CSPP1: variants seen among roughly 807,000 people sequenced by gnomAD.
The protein encoded by CSPP1 is centrosome and spindle pole-associated protein 1.
A neutral mutation model predicts 164.4 loss-of-function variants in CSPP1; 126 were observed. That is an observed-to-expected ratio of 0.77 (90% CI 0.66 to 0.89). The LOEUF (loss-of-function observed/expected upper bound fraction) is 0.89, where lower values mean the gene tolerates loss of function less well. Ranked by LOEUF, CSPP1 falls within the 40% of genes least tolerant of loss-of-function variation. CSPP1 has a pLI of 0.00. For synonymous variants in CSPP1, 472 were observed against 476.7 expected (o/e 0.99, Z 0.13); for missense variants, 1,395 against 1,449.8 (o/e 0.96, Z 0.61).
At chr8:67,144,667 G>A (rs761198430) in intron 17 of CSPP1, among the ~76,000 whole-genome samples, 63 of 152,114 alleles carry the variant, frequency 4.1e-4, no homozygotes, top group Middle Eastern at 6.8e-3. Context: ...GGCTGGTCTC[G>A]AACTCCTGAG....
intron 21 of CSPP1, among the ~76,000 whole-genome samples, chr8:67,161,568 C>T (rs891162496): frequency 5.3e-5 from 8 of 151,552 alleles, no homozygotes; most frequent in African/African-American, 1.7e-4. Context: ...TTTTTAAATC[C>T]TAATCTGACA....
intron 15 of CSPP1, among the ~76,000 whole-genome samples, chr8:67,124,243 AT>A (rs916118996): frequency 6.6e-6 from 1 of 151,928 alleles, no homozygotes; most frequent in Non-Finnish European, 1.5e-5. Context: ...TTCAATTTTG[AT>A]TTTTTTGTTG....
At chr8:67,086,351 TTAAG>T (rs1392603300) in intron 4 of CSPP1, 1 of 517,766 alleles carries the variant, frequency 1.9e-6, no homozygotes, top group African/African-American at 1.9e-5. Context: ...GATTCTAATT[TTAAG>T]TGAGATCGTT....
chr8:67,095,895 C>A (rs1812656219), intron 7 of CSPP1, among the ~76,000 whole-genome samples, 163 bp downstream of exon 7: 1 of 152,044 alleles, frequency 6.6e-6, no homozygotes, highest in Non-Finnish European at 1.5e-5. Context: ...TATTTTATGT[C>A]CCACTGAGGG....
intron 3 of CSPP1, among the ~76,000 whole-genome samples, chr8:67,079,472 C>T (rs1370735662): frequency 2.0e-5 from 3 of 152,190 alleles, no homozygotes; most frequent in Non-Finnish European, 4.4e-5. Context: ...AGTAAGGTCA[C>T]TCTGCTGTAA....
intron 6 of CSPP1, among the ~76,000 whole-genome samples, chr8:67,094,271 CTTTT>C (rs762941914): frequency 4.4e-4 from 54 of 121,478 alleles, no homozygotes; most frequent in African/African-American, 1.7e-3. Flanking sequence ...TTTATCCTCT[CTTTT>C]TTTTTTTTTT....
chr8:67,190,624 CCTT>C (rs745422652), intron 28 of CSPP1, 23 bp from the exon 29 acceptor site: 132 of 1,527,744 alleles, frequency 8.6e-5, no homozygotes, highest in African/African-American at 2.1e-4. Flanking sequence ...TATTAAGACT[CCTT>C]CTGCTTTTCG....
Position 67,179,843 on chromosome 8 carries a change from T to C in CSPP1, c.3157-20T>C, listed in dbSNP as rs1194606720. The C allele has an allele frequency of 1.9e-6, 3 of 1,550,718 alleles. No homozygotes were observed. The highest frequency in any genetic ancestry group is 1.1e-5 in the South Asian group (1 of 87,370). ...TACACAAAACTAATAAAAATAGTCA[T>C]TGAAACATGTTTCTTTTAGCCCAGA... On this transcript the variant is annotated intron_variant, in intron 27 of 30. Coordinates refer to ENST00000678616, the MANE Select transcript of CSPP1 (RefSeq NM_001382391.1).
At chr8:67,171,989 AG>A in intron 24 of CSPP1, among the ~76,000 whole-genome samples, 1 of 151,830 alleles carries the variant, frequency 6.6e-6, no homozygotes, top group Non-Finnish European at 1.5e-5. Flanking sequence ...CTGGGACTAC[AG>A]GTGTGCGCCA....
intron 27 of CSPP1, among the ~76,000 whole-genome samples, chr8:67,178,483 C>G (rs890361337): frequency 6.6e-6 from 1 of 152,140 alleles, no homozygotes; most frequent in Non-Finnish European, 1.5e-5. Context: ...AGGTTACATT[C>G]CAGAAGGAGG....
At chr8:67,172,350 G>A (rs1422937929) in intron 24 of CSPP1, 66 bp from the exon 25 acceptor site, 5 of 1,308,462 alleles carry the variant, frequency 3.8e-6, no homozygotes, top group Non-Finnish European at 5.4e-6. Flanking sequence ...CTTTTACAGT[G>A]AATTAGATGT....
At chr8:67,194,770 A>G (rs550347401) in intron 30 of CSPP1, among the ~76,000 whole-genome samples, 44 of 152,268 alleles carry the variant, frequency 2.9e-4, no homozygotes, top group African/African-American at 1.0e-3. Flanking sequence ...TAAAAGTAAA[A>G]TACAGATAGA....
At chr8:67,071,750 C>G (rs1357670939) in intron 1 of CSPP1, among the ~76,000 whole-genome samples, 1 of 152,098 alleles carries the variant, frequency 6.6e-6, no homozygotes, top group Admixed American at 6.6e-5. Context: ...TAGATGCTAA[C>G]TTTAATGGGA....
chr8:67,124,947 A>G (rs2129552774), intron 15 of CSPP1, among the ~76,000 whole-genome samples: 2 of 152,300 alleles, frequency 1.3e-5, no homozygotes, highest in Middle Eastern at 3.4e-3. Context: ...TGCTGGGATT[A>G]TAGATGTGAG....
In CSPP1 at chr8:67,177,883, G is replaced by A. The variant is rs886735752; in HGVS notation, c.3156+157G>A. ...AGTGGATAGCTTGAGAAGTGTTAGT[G>A]TAATATATATAGAAAACATATTGTA... On this transcript the variant is annotated intron_variant, in intron 27 of 30. Coordinates refer to ENST00000678616, the MANE Select transcript of CSPP1 (RefSeq NM_001382391.1). 7.9e-5 allele frequency among the ~76,000 whole-genome samples: 12 copies of A among 152,152 alleles called. No individual in the cohort carries two copies. The East Asian group carries it at 2.3e-3, about 29-fold the overall frequency.
intron 15 of CSPP1, among the ~76,000 whole-genome samples, chr8:67,123,785 G>A (rs1435594871): frequency 1.3e-5 from 2 of 151,234 alleles, no homozygotes; most frequent in Non-Finnish European, 3.0e-5. Flanking sequence ...CTAAATATTT[G>A]TATTTTTTGT....
intron 9 of CSPP1, among the ~76,000 whole-genome samples, chr8:67,111,206 CAAT>C (rs1052336632): frequency 6.6e-6 from 1 of 152,064 alleles, no homozygotes; most frequent in East Asian, 1.9e-4. Flanking sequence ...TTAACATATG[CAAT>C]AATAATAATC....
intron 10 of CSPP1, among the ~76,000 whole-genome samples, chr8:67,113,367 A>G (rs1463431473): frequency 1.3e-5 from 2 of 152,132 alleles, no homozygotes; most frequent in Admixed American, 6.5e-5. Context: ...GCCAATATCT[A>G]CTGTTTGATG....
chr8:67,190,681 AGAT>A lies in CSPP1; in HGVS notation c.3255_3257del (p.Asp1086del). 6.2e-7 allele frequency: 1 copy of A among 1,614,136 alleles called. No individual in the cohort carries two copies. The highest frequency in any genetic ancestry group is 1.1e-5 in the South Asian group (1 of 91,074). On this transcript the variant is annotated inframe_deletion, in exon 29 of 31. Transcript: ENST00000678616. ...ACGGTGAGACATATCCTGCCATTGA[AGAT>A]GACGTCCTCCCTCCACCATCACAGT...
Sources: gnomAD v4.1 joint callset for allele counts (sites outside exome capture counted in the v4.1 genomes callset) on GRCh38, gnomAD v4.1.1 for gene constraint, MANE v1.5 for transcripts, NCBI Gene and HGNC (gene_info 2026-07-23, HGNC 2026-07-21) for gene names.